Variants in ASAP1 observed in about 807,000 individuals in gnomAD.
ASAP1 encodes ArfGAP with SH3 domain, ankyrin repeat and PH domain 1.
A neutral mutation model predicts 145.2 loss-of-function variants in ASAP1; 43 were observed. The ratio of observed to expected loss-of-function variants is 0.30; its 90% CI spans 0.23 to 0.38. The LOEUF (loss-of-function observed/expected upper bound fraction) is 0.38, where lower values mean the gene tolerates loss of function less well. ASAP1 is among the 10% of genes least tolerant of loss of function. ASAP1 has a pLI of 1.00. For missense variants in ASAP1, 1,018 were observed against 1,355.3 expected (o/e 0.75, Z 3.91); for synonymous variants, 546 against 515.5 (o/e 1.06, Z -0.80).
chr8:130,266,502 C>T (rs1417390813), intron 3 of ASAP1, among the ~76,000 whole-genome samples: 1 of 151,796 alleles, frequency 6.6e-6, no homozygotes, highest in Admixed American at 6.6e-5. Flanking sequence ...GCTGGAAGCA[C>T]CCCAGGAGAA....
intron 25 of ASAP1, among the ~76,000 whole-genome samples, chr8:130,091,755 T>C (rs180769718): frequency 3.3e-5 from 5 of 152,362 alleles, no homozygotes; most frequent in Non-Finnish European, 7.3e-5. Context: ...ATTTAGGAAG[T>C]GCTCAGCACC....
intron 18 of ASAP1, 116 bp from the exon 19 acceptor site, chr8:130,118,791 CCATT>C (rs1335392929): frequency 8.3e-6 from 6 of 723,774 alleles, no homozygotes; most frequent in South Asian, 3.7e-5. Flanking sequence ...CTTCTTTTCA[CCATT>C]CAAATAAACC....
chr8:130,112,240 G>A lies in ASAP1; in HGVS notation c.2255C>T (p.Ala752Val), dbSNP rs377058881. The stretch of plus-strand genomic sequence containing the variant: ...CCTTGGAGTGCTGAATCCTGGCAGT[G>A]CCAGCTTGTCCTGGGGGGAGATGCT... ...SSSISPQDKL[A>V]LPGFSTPRDK... Residue 752 changes from alanine to valine, a missense_variant, in exon 24 of 30, where the codon GCA becomes GTA. By Grantham distance (64) the Ala-to-Val change is moderately conservative (BLOSUM62 0). Transcript: ENST00000518721. The A allele has an allele frequency of 2.5e-6, 4 of 1,614,222 alleles. No homozygotes were observed. The highest frequency in any genetic ancestry group is 4.5e-5 in the East Asian group (2 of 44,894).
intron 3 of ASAP1, among the ~76,000 whole-genome samples, chr8:130,246,380 C>T (rs1479620413): frequency 6.6e-6 from 1 of 152,110 alleles, no homozygotes; most frequent in African/African-American, 2.4e-5. Context: ...GCTCTGTGTC[C>T]CCACTCAAAT....
At chr8:130,088,544 C>A (rs2097498786) in intron 25 of ASAP1, among the ~76,000 whole-genome samples, 1 of 152,190 alleles carries the variant, frequency 6.6e-6, no homozygotes, top group Non-Finnish European at 1.5e-5. Flanking sequence ...CACGGATCAC[C>A]TGGAGTCACC....
At chr8:130,202,848 T>C (rs555815044) in intron 5 of ASAP1, among the ~76,000 whole-genome samples, 1 of 152,300 alleles carries the variant, frequency 6.6e-6, no homozygotes, top group African/African-American at 2.4e-5. Context: ...TTGCTTAACA[T>C]ATCTGTGGCA....
At chr8:130,239,538 C>A (rs1220904955) in intron 3 of ASAP1, among the ~76,000 whole-genome samples, 1 of 151,964 alleles carries the variant, frequency 6.6e-6, no homozygotes, top group Non-Finnish European at 1.5e-5. Flanking sequence ...CCGCGATAGG[C>A]TGAAACTAAA....
In ASAP1 at chr8:130,122,707, T is replaced by G. The variant is rs1426804551; in HGVS notation, c.1607+1306A>C. Among the ~76,000 whole-genome samples the G allele has an allele frequency of 1.4e-4, 21 of 152,364 alleles. No homozygotes were observed. In the East Asian group the frequency reaches 3.5e-3, roughly 25 times the overall value. ...TCCAGCAGTCTGGCTTCAAAATCTA[T>G]GACCCTAACCACTACATTAGAGATA... On this transcript the variant is annotated intron_variant, in intron 18 of 29. Coordinates refer to ENST00000518721, the MANE Select transcript of ASAP1 (RefSeq NM_018482.4).
At chr8:130,384,641 C>T (rs756957031) in intron 2 of ASAP1, among the ~76,000 whole-genome samples, 1 of 152,142 alleles carries the variant, frequency 6.6e-6, no homozygotes, top group Non-Finnish European at 1.5e-5. Flanking sequence ...CCACCATGCC[C>T]GGCTAATGTT....
chr8:130,197,193 T>G (rs1815554661), intron 5 of ASAP1, among the ~76,000 whole-genome samples: 1 of 152,204 alleles, frequency 6.6e-6, no homozygotes, highest in Admixed American at 6.5e-5. Context: ...TTTGGGAGGC[T>G]GAGGCAGGTG....
intron 3 of ASAP1, among the ~76,000 whole-genome samples, chr8:130,270,551 T>C (rs1820525683): frequency 6.6e-6 from 1 of 152,372 alleles, no homozygotes; most frequent in Non-Finnish European, 1.5e-5. Flanking sequence ...CATATTTTGC[T>C]CTATGTTCAT....
chr8:130,296,096 G>A (rs1822256003), intron 3 of ASAP1, among the ~76,000 whole-genome samples: 1 of 152,174 alleles, frequency 6.6e-6, no homozygotes, highest in South Asian at 2.1e-4. Context: ...CAGCTGCATA[G>A]TGACCTTTAA....
At chr8:130,288,127 A>G (rs1276346413) in intron 3 of ASAP1, among the ~76,000 whole-genome samples, 2 of 152,232 alleles carry the variant, frequency 1.3e-5, no homozygotes, top group African/African-American at 4.8e-5. Flanking sequence ...AATCAGTGCT[A>G]GGTGCTCCTG....
chr8:130,229,330 T>C (rs190423889), intron 4 of ASAP1, among the ~76,000 whole-genome samples: 336 of 152,344 alleles, frequency 2.2e-3, no homozygotes, highest in African/African-American at 7.6e-3. Flanking sequence ...CATGGCATGG[T>C]TGTTTTCAGA....
At chr8:130,276,282 G>A (rs2137123550) in intron 3 of ASAP1, among the ~76,000 whole-genome samples, 1 of 152,264 alleles carries the variant, frequency 6.6e-6, no homozygotes, top group Admixed American at 6.5e-5. Flanking sequence ...TTTCCTCTAA[G>A]TTCACAAAGT....
chr8:130,141,498 G>A (rs1344773781), intron 13 of ASAP1, among the ~76,000 whole-genome samples: 1 of 152,118 alleles, frequency 6.6e-6, no homozygotes, highest in South Asian at 2.1e-4. Context: ...ACACCCTGCT[G>A]TATTTTCTTT....
intron 24 of ASAP1, among the ~76,000 whole-genome samples, chr8:130,107,522 GTA>G (rs1491036372): frequency 5.2e-5 from 2 of 38,232 alleles, no homozygotes; most frequent in African/African-American, 1.7e-4. Context: ...AAAAATGTAT[GTA>G]TGTATGTATG....
chr8:130,392,448 T>G (rs1315078465), intron 2 of ASAP1, among the ~76,000 whole-genome samples: 1 of 152,272 alleles, frequency 6.6e-6, no homozygotes, highest in African/African-American at 2.4e-5. Context: ...GATAAATAAC[T>G]AACAATAACA....
At chr8:130,359,573 G>A (rs1329964548) in intron 2 of ASAP1, among the ~76,000 whole-genome samples, 1 of 151,474 alleles carries the variant, frequency 6.6e-6, no homozygotes, top group Non-Finnish European at 1.5e-5. Context: ...CACCCACCGC[G>A]CCCTACCCCT....
Sources: gnomAD v4.1 joint callset for allele counts (sites outside exome capture counted in the v4.1 genomes callset) on GRCh38, gnomAD v4.1.1 for gene constraint, MANE v1.5 for transcripts, NCBI Gene and HGNC (gene_info 2026-07-23, HGNC 2026-07-21) for gene names.